The following ZHX2 variants were observed in gnomAD, a reference collection of about 807,000 sequenced individuals.
The protein encoded by ZHX2 is zinc fingers and homeoboxes 2, also known as zinc fingers and homeoboxes protein 2.
In ZHX2, 6 loss-of-function variants were observed where a neutral mutation model predicts 21.9. That is an observed-to-expected ratio of 0.27 (90% confidence interval 0.15 to 0.54). The LOEUF (loss-of-function observed/expected upper bound fraction) is 0.54, where lower values mean the gene tolerates loss of function less well. Ranked by LOEUF, ZHX2 falls within the 20% of genes least tolerant of loss-of-function variation. ZHX2 has a pLI of 0.95. For missense variants in ZHX2, 908 were observed against 1,090.7 expected (o/e 0.83, Z 2.36); for synonymous variants, 434 against 437.1 (o/e 0.99, Z 0.09).
intron 2 of ZHX2, among the ~76,000 whole-genome samples, chr8:122,899,965 T>G (rs1820189565): frequency 6.6e-6 from 1 of 152,198 alleles, no homozygotes; most frequent in Non-Finnish European, 1.5e-5. Flanking sequence ...TTAGGCGTTT[T>G]GGGAAAGGAT....
intron 2 of ZHX2, among the ~76,000 whole-genome samples, chr8:122,935,172 A>C (rs1258460121): frequency 4.7e-5 from 7 of 150,280 alleles, no homozygotes; most frequent in Non-Finnish European, 3.0e-5. Flanking sequence ...TTTTTTATCT[A>C]TTTGAAGCTC....
At chr8:122,914,225 G>C (rs1820545959) in intron 2 of ZHX2, among the ~76,000 whole-genome samples, 2 of 152,262 alleles carry the variant, frequency 1.3e-5, no homozygotes, top group Admixed American at 1.3e-4. Context: ...CTCTCATCCT[G>C]CTGCCTGATC....
chr8:122,842,655 C>T (rs1382029353), intron 1 of ZHX2, among the ~76,000 whole-genome samples: 1 of 152,114 alleles, frequency 6.6e-6, no homozygotes, highest in Admixed American at 6.5e-5. Flanking sequence ...GGCAAGTGAG[C>T]CGAGATTGCA....
In ZHX2 at chr8:122,953,420, A is replaced by G. The variant is rs746440370; in HGVS notation, c.1910A>G (p.Gln637Arg). Residue 637 changes from glutamine to arginine, a missense_variant, in exon 3 of 4, where the codon CAA (glutamine) becomes CGA (arginine). Transcript: ENST00000314393. The surrounding 1 kb of genome is among the most constrained non-coding windows in gnomAD (Gnocchi z 4.6). Reference protein sequence around the residue: ...PSPSPAIAKSQEQVHLLRSTF... With the variant: ...PSPSPAIAKSREQVHLLRSTF... ...CCTTCGCCAGCAATTGCAAAAAGTC[A>G]AGAACAGGTTCATCTCCTGAGGAGC... The G allele has an allele frequency of 1.4e-5, 22 of 1,614,086 alleles. No individual in the cohort carries two copies. Among genetic ancestry groups the G allele is most frequent in the Admixed American group, 8.3e-5 (5 of 60,014 alleles).
At chr8:122,917,630 G>A (rs149660698) in intron 2 of ZHX2, among the ~76,000 whole-genome samples, 169 of 152,310 alleles carry the variant, frequency 1.1e-3, no homozygotes, top group African/African-American at 4.0e-3. Context: ...GCATAAGGCC[G>A]CAGTCAGAAC....
upstream of ZHX2, chr8:122,780,534 C>T (rs964729174): frequency 1.3e-5 from 2 of 152,342 alleles, no homozygotes; most frequent in Non-Finnish European, 2.9e-5. Flanking sequence ...CGCCTGAGAT[C>T]CCGAAGTGTA....
chr8:122,789,678 CAGAT>C (rs1344604797), intron 1 of ZHX2, among the ~76,000 whole-genome samples: 5 of 152,170 alleles, frequency 3.3e-5, no homozygotes, highest in African/African-American at 7.2e-5. Flanking sequence ...TGTGAACTGA[CAGAT>C]AGAAGCTGGA....
Position 122,858,627 on chromosome 8 carries a change from T to A in ZHX2, c.-282-4850T>A, listed in dbSNP as rs573207951. Among the ~76,000 whole-genome samples, 26 of 141,608 alleles carry A rather than the reference T, an allele frequency of 1.8e-4. No homozygotes were observed. The East Asian group carries it at 4.2e-3, about 23-fold the overall frequency. The allele number at this position is 141,608 out of a possible 152,430, so 92.9% of individuals were successfully genotyped here. On this transcript the variant is annotated intron_variant, in intron 1 of 3. Transcript: ENST00000314393. Reference sequence around the variant, plus strand: ...TGTGATTCAGGTTAACTCCTTTTTTTTTCTTTCTTTCTTTTTTTTTTTTTT... The same window carrying A: ...TGTGATTCAGGTTAACTCCTTTTTTATTCTTTCTTTCTTTTTTTTTTTTTT...
intron 1 of ZHX2, among the ~76,000 whole-genome samples, chr8:122,857,629 C>T (rs898711974): frequency 2.6e-5 from 4 of 151,974 alleles, no homozygotes; most frequent in African/African-American, 9.7e-5. Context: ...GGAGAGATGG[C>T]CCAGTTTTCC....
intron 1 of ZHX2, among the ~76,000 whole-genome samples, chr8:122,840,208 T>G (rs1454656097): frequency 1.3e-5 from 2 of 152,244 alleles, no homozygotes; most frequent in Non-Finnish European, 2.9e-5. Flanking sequence ...CTTTCCAGAC[T>G]GAGTCTTCTG....
chr8:122,791,719 G>A (rs1439839879), intron 1 of ZHX2, among the ~76,000 whole-genome samples: 1 of 152,070 alleles, frequency 6.6e-6, no homozygotes, highest in African/African-American at 2.4e-5. Context: ...ACAAAAATTA[G>A]CTGGGCGTGG....
chr8:122,907,783 C>T (rs1820382758), intron 2 of ZHX2, among the ~76,000 whole-genome samples: 1 of 152,136 alleles, frequency 6.6e-6, no homozygotes, highest in Non-Finnish European at 1.5e-5. Flanking sequence ...TAAATGAGAT[C>T]AAAGATGCAC....
intron 2 of ZHX2, among the ~76,000 whole-genome samples, chr8:122,900,980 A>G (rs1174263220): frequency 1.3e-5 from 2 of 152,142 alleles, no homozygotes; most frequent in Non-Finnish European, 2.9e-5. Flanking sequence ...GATACTTTTT[A>G]TTCTCATGGT....
At chr8:122,924,149 T>C (rs1055973915) in intron 2 of ZHX2, among the ~76,000 whole-genome samples, 1 of 152,156 alleles carries the variant, frequency 6.6e-6, no homozygotes, top group Admixed American at 6.5e-5. Context: ...GAGAGATTCA[T>C]TGTCTTCTAG....
chr8:122,790,550 C>A (rs946666576), intron 1 of ZHX2, among the ~76,000 whole-genome samples: 1 of 152,106 alleles, frequency 6.6e-6, no homozygotes, highest in African/African-American at 2.4e-5. Flanking sequence ...AATCTACATG[C>A]CTTTTGTGGG....
chr8:122,816,689 A>T (rs1818042868), intron 1 of ZHX2, among the ~76,000 whole-genome samples: 1 of 152,036 alleles, frequency 6.6e-6, no homozygotes, highest in African/African-American at 2.4e-5. Context: ...CAAAAGTCAT[A>T]TGCAGCCTTT....
chr8:122,858,069 T>G (rs1819070593), intron 1 of ZHX2, among the ~76,000 whole-genome samples: 1 of 152,230 alleles, frequency 6.6e-6, no homozygotes, highest in Non-Finnish European at 1.5e-5. Flanking sequence ...TTCTGGCTTG[T>G]GGAGTGAGGG....
At chr8:122,812,505 G>T (rs1394734374) in intron 1 of ZHX2, among the ~76,000 whole-genome samples, 1 of 152,118 alleles carries the variant, frequency 6.6e-6, no homozygotes, top group Admixed American at 6.5e-5. Context: ...ACGGAGCTAG[G>T]GTTCGGGTTC....
intron 2 of ZHX2, among the ~76,000 whole-genome samples, chr8:122,894,187 G>A (rs1036532855): frequency 2.0e-5 from 3 of 152,236 alleles, no homozygotes; most frequent in African/African-American, 7.2e-5. Context: ...GCTGATGCTT[G>A]GGCTGTGGCG....
Sources: gnomAD v4.1 joint callset for allele counts (sites outside exome capture counted in the v4.1 genomes callset) on GRCh38, gnomAD v4.1.1 for gene constraint, Gnocchi (gnomAD v3.1) non-coding constraint, MANE v1.5 for transcripts, NCBI Gene and HGNC (gene_info 2026-07-23, HGNC 2026-07-21) for gene names.